The following SAMD12 variants were observed in gnomAD, a reference collection of about 807,000 sequenced individuals.
The protein encoded by SAMD12 is sterile alpha motif domain containing 12.
A neutral mutation model predicts 15.0 loss-of-function variants in SAMD12; 9 were observed. The ratio of observed to expected loss-of-function variants is 0.60; its 90% confidence interval spans 0.36 to 1.05. The LOEUF is 1.05. Ranked by LOEUF, SAMD12 falls within the 50% of genes least tolerant of loss-of-function variation. The probability of loss-of-function intolerance (pLI) is 0.01; values close to 1 mark genes in which losing one functional copy is unlikely to be tolerated. For synonymous variants in SAMD12, 86 were observed against 90.1 expected (o/e 0.96, Z 0.25); for missense variants, 230 against 234.2 (o/e 0.98, Z 0.12).
At chr8:118,239,033 G>T (rs1000040725) in intron 4 of SAMD12, among the ~76,000 whole-genome samples, 1 of 152,082 alleles carries the variant, frequency 6.6e-6, no homozygotes, top group Non-Finnish European at 1.5e-5. Context: ...AAGTGGAAAA[G>T]AAATTAAGTC....
intron 1 of SAMD12, among the ~76,000 whole-genome samples, chr8:118,582,537 G>C (rs1383808255): frequency 1.3e-5 from 2 of 152,092 alleles, no homozygotes. Context: ...TAGTCTCTAA[G>C]CTTCCTATTT....
intron 2 of SAMD12, among the ~76,000 whole-genome samples, chr8:118,484,232 C>T (rs1299925935): frequency 1.3e-5 from 2 of 151,962 alleles, no homozygotes; most frequent in South Asian, 2.1e-4. Context: ...AATTCGTAAC[C>T]GATCTATGAT....
At chr8:118,207,149 G>A (rs763566403) in intron 4 of SAMD12, among the ~76,000 whole-genome samples, 44 of 152,306 alleles carry the variant, frequency 2.9e-4, no homozygotes, top group Non-Finnish European at 4.3e-4. Flanking sequence ...GATCATTTAG[G>A]ATATCTATTA....
At chr8:118,433,606 TA>T (rs1225162935) in intron 3 of SAMD12, among the ~76,000 whole-genome samples, 2 of 152,140 alleles carry the variant, frequency 1.3e-5, no homozygotes, top group African/African-American at 2.4e-5. Flanking sequence ...AGTGTTCCAT[TA>T]AAAGGGGTTA....
rs114457092 is a variant in SAMD12, at chr8:118,405,206, A to G, written c.323-25506T>C. On this transcript the variant is annotated intron_variant, in intron 3 of 3. Coordinates refer to ENST00000314727, the MANE Select transcript of SAMD12 (RefSeq NM_207506.3). ...CTTTGGAGTATCTATTAAGCTAAAT[A>G]TACACAAGACCCAACGATTCCATTT... is the stretch of plus-strand genomic sequence containing the variant. Among the ~76,000 whole-genome samples, 472 of 152,346 alleles carry G rather than the reference A, an allele frequency of 3.1e-3. 4 individuals carry two copies. Among genetic ancestry groups the G allele is most frequent in the African/African-American group, 0.011 (451 of 41,566 alleles).
intron 2 of SAMD12, among the ~76,000 whole-genome samples, chr8:118,506,921 A>G (rs941658187): frequency 1.3e-5 from 2 of 151,928 alleles, no homozygotes; most frequent in Admixed American, 6.6e-5. Context: ...GCTGTCTGGC[A>G]GTAGTACTGT....
chr8:118,221,501 A>C (rs942343803), intron 4 of SAMD12, among the ~76,000 whole-genome samples: 2 of 152,302 alleles, frequency 1.3e-5, no homozygotes, highest in African/African-American at 4.8e-5. Context: ...CTGGAATGGC[A>C]AGAAGTAAAA....
At chr8:118,399,627 T>C (rs1281795486) in intron 3 of SAMD12, among the ~76,000 whole-genome samples, 4 of 152,156 alleles carry the variant, frequency 2.6e-5, no homozygotes, top group African/African-American at 7.2e-5. Context: ...AGAGGTCTCG[T>C]TGTGGCTGAA....
chr8:118,352,117 C>T (rs922458261), intron 4 of SAMD12, among the ~76,000 whole-genome samples: 1 of 152,196 alleles, frequency 6.6e-6, no homozygotes, highest in African/African-American at 2.4e-5. Flanking sequence ...TGCACATTTA[C>T]AAACTGCTTA....
rs548660118 is a variant in SAMD12, at chr8:118,532,309, C to A, written c.192+48406G>T. 2.0e-5 allele frequency among the ~76,000 whole-genome samples: 3 copies of A among 152,274 alleles called. No individual in the cohort carries two copies. The East Asian group carries it at 5.8e-4, about 29-fold the overall frequency. On this transcript the variant is annotated intron_variant, in intron 2 of 3. Coordinates refer to ENST00000314727, the MANE Select transcript of SAMD12 (RefSeq NM_207506.3). ...AGCCCACTTGATCATGGTGGATAAG[C>A]TTTTCGATATGCTCCTGGATTCTGT... is the stretch of plus-strand genomic sequence containing the variant.
downstream of SAMD12, among the ~76,000 whole-genome samples, chr8:118,185,325 T>A (rs1031964383): frequency 1.3e-5 from 2 of 152,318 alleles, no homozygotes; most frequent in Non-Finnish European, 2.9e-5. Flanking sequence ...TGGATTCTTG[T>A]GCACCCATCA....
chr8:118,348,777 G>A (rs960877056), intron 4 of SAMD12, among the ~76,000 whole-genome samples: 1 of 152,224 alleles, frequency 6.6e-6, no homozygotes, highest in African/African-American at 2.4e-5. Context: ...CAACAATCCT[G>A]TGGCTTCAGA....
intron 2 of SAMD12, among the ~76,000 whole-genome samples, chr8:118,504,861 G>C (rs1824880994): frequency 6.6e-6 from 1 of 152,198 alleles, no homozygotes; most frequent in Admixed American, 6.5e-5. Flanking sequence ...AGAGCCTCCA[G>C]AGACAGCATA....
At chr8:118,528,786 A>C (rs1825603829) in intron 2 of SAMD12, among the ~76,000 whole-genome samples, 1 of 152,216 alleles carries the variant, frequency 6.6e-6, no homozygotes, top group Non-Finnish European at 1.5e-5. Context: ...GAAAGAAATA[A>C]CAGAGATTAC....
chr8:118,596,665 C>A (rs1827732340), intron 1 of SAMD12, among the ~76,000 whole-genome samples: 1 of 152,190 alleles, frequency 6.6e-6, no homozygotes, highest in African/African-American at 2.4e-5. Flanking sequence ...GCATCTGGCA[C>A]TTTACCTTTC....
intron 1 of SAMD12, among the ~76,000 whole-genome samples, chr8:118,588,313 CA>C (rs1827501572): frequency 6.6e-6 from 1 of 152,178 alleles, no homozygotes; most frequent in Non-Finnish European, 1.5e-5. Flanking sequence ...AAAGGGAGCA[CA>C]ACATCTCCTT....
the SAMD12 span, among the ~76,000 whole-genome samples, chr8:118,163,908 CAAAACAA>C: frequency 3.5e-5 from 3 of 85,098 alleles, no homozygotes; most frequent in Non-Finnish European, 8.5e-5. Context: ...CAAAACAAAA[CAAAACAA>C]AAAAACAAAC....
At chr8:118,602,418 T>TA (rs889980672) in intron 1 of SAMD12, among the ~76,000 whole-genome samples, 28 of 152,220 alleles carry the variant, frequency 1.8e-4, no homozygotes, top group African/African-American at 6.7e-4. Flanking sequence ...AACACAATTT[T>TA]AAAAAAACTA....
chr8:118,292,556 T>C (rs1237585088), intron 4 of SAMD12, among the ~76,000 whole-genome samples: 3 of 152,122 alleles, frequency 2.0e-5, no homozygotes, highest in Non-Finnish European at 4.4e-5. Context: ...ACTGGGTATA[T>C]ACCCAAATGA....
Sources: gnomAD v4.1 joint callset for allele counts (sites outside exome capture counted in the v4.1 genomes callset) on GRCh38, gnomAD v4.1.1 for gene constraint, MANE v1.5 for transcripts, NCBI Gene and HGNC (gene_info 2026-07-23, HGNC 2026-07-21) for gene names.